Variants in GORAB observed in about 807,000 individuals in gnomAD.
GORAB encodes RAB6-interacting golgin.
In GORAB, 17 loss-of-function variants were observed where a neutral mutation model predicts 29.9. The ratio of observed to expected loss-of-function variants is 0.57; its 90% CI spans 0.39 to 0.85. GORAB has a LOEUF of 0.85. Ranked by LOEUF, GORAB falls within the 40% of genes least tolerant of loss-of-function variation. The probability of loss-of-function intolerance (pLI) is 0.00; values close to 1 mark genes in which losing one functional copy is unlikely to be tolerated. For missense variants in GORAB, 442 were observed against 437.8 expected (o/e 1.01, Z -0.09); for synonymous variants, 183 against 157.2 (o/e 1.16, Z -1.23).
In GORAB at chr1:170,552,245, T is replaced by A. The variant is rs752649033; in HGVS notation, c.893T>A (p.Val298Glu). The change falls in exon 5 of 5, where the codon GTA becomes GAA. Residue 298 changes from valine (V) to glutamate (E), a missense_variant. By Grantham distance (121) the Val-to-Glu change is moderately radical. Coordinates refer to ENST00000367763, the MANE Select transcript of GORAB (RefSeq NM_152281.3). Reference sequence around the variant, plus strand: ...GAGAGATTGCTACACGAACAAGAAGTAGAATCAAGGAGACCAGTGGTTCGT... The same window carrying A: ...GAGAGATTGCTACACGAACAAGAAGAAGAATCAAGGAGACCAGTGGTTCGT... ...EVERLLHEQE[V>E]ESRRPVVRLE... 24 of 1,614,030 alleles carry A rather than the reference T, an allele frequency of 1.5e-5. No individual in the cohort carries two copies. The highest frequency in any genetic ancestry group is 2.0e-5 in the Non-Finnish European group (24 of 1,179,956).
chr1:170,539,504 A>G lies in GORAB; in HGVS notation c.356A>G (p.His119Arg). The G allele has an allele frequency of 6.2e-7, 1 of 1,613,992 alleles. No homozygotes were observed. The highest frequency in any genetic ancestry group is 8.5e-7 in the Non-Finnish European group (1 of 1,179,872). The change falls in exon 2 of 5, where the codon CAC becomes CGC. Residue 119 changes from histidine (H) to arginine (R), a missense_variant. By Grantham distance (29) the His-to-Arg change is conservative (BLOSUM62 0). Coordinates refer to ENST00000367763, the MANE Select transcript of GORAB (RefSeq NM_152281.3). ...ELGLENSHDG[H>R]NNVEILPPKP... Reference sequence around the variant, plus strand: ...GGACTTGAGAATTCCCATGATGGTCACAACAATGTTGAGATTCTACCTCCA... The same window carrying G: ...GGACTTGAGAATTCCCATGATGGTCGCAACAATGTTGAGATTCTACCTCCA...
Position 170,545,502 on chromosome 1 carries a change from G to A in GORAB, c.662+657G>A, listed in dbSNP as rs573670719. The stretch of plus-strand genomic sequence containing the variant: ...GTATTTTTAAAATGAACTAACACAT[G>A]TAATGAATTACATGGACTTTGCAGA... On this transcript the variant is annotated intron_variant, in intron 4 of 4. Transcript: ENST00000367763. 10 of 984,390 alleles carry A rather than the reference G, an allele frequency of 1.0e-5. No homozygotes were observed. In the South Asian group the frequency reaches 3.3e-4, roughly 32 times the overall value. 61.0% of individuals were successfully genotyped at this position (984,390 alleles called of 1,614,324 possible). A position where few individuals can be genotyped will look rare whatever the true frequency, so the allele number is the denominator to read the frequency against.
intron 1 of GORAB, among the ~76,000 whole-genome samples, chr1:170,538,136 G>C (rs545901589): frequency 6.6e-6 from 1 of 152,266 alleles, no homozygotes; most frequent in South Asian, 2.1e-4. Context: ...AAGTAGAGCA[G>C]GTTAATTTTC....
intron 1 of GORAB, 61 bp downstream of exon 1, chr1:170,532,345 C>G: frequency 6.4e-7 from 1 of 1,570,384 alleles, no homozygotes; most frequent in Non-Finnish European, 8.8e-7. Context: ...GGCGGGGATG[C>G]AGCTTTGGCG....
At chr1:170,544,994 A>G (rs1649667756) in intron 4 of GORAB, 149 bp downstream of exon 4, 3 of 1,389,186 alleles carry the variant, frequency 2.2e-6, no homozygotes, top group African/African-American at 1.4e-5. Context: ...TGCTAATTCA[A>G]GTGTCTCCTC....
In GORAB at chr1:170,539,317, T is replaced by A; in HGVS notation, c.169T>A (p.Ser57Thr). 3 of 1,614,122 alleles carry A rather than the reference T, an allele frequency of 1.9e-6. No individual in the cohort carries two copies. The highest frequency in any genetic ancestry group is 2.5e-6 in the Non-Finnish European group (3 of 1,180,010). Residue 57 changes from serine (S) to threonine (T), a missense_variant, in exon 2 of 5, where the codon TCA becomes ACA. Transcript: ENST00000367763. ...QSQKLGLQDG[S>T]TSLLPEQLLS... ...CCAAAAACTTGGGCTTCAAGATGGA[T>A]CAACCTCATTACTTCCAGAGCAGCT...
At position 170,552,177 on chromosome 1, in the gene GORAB, T is replaced by A. The variant is rs367903912; in HGVS notation, c.825T>A (p.Asp275Glu). The part of the protein sequence containing the change: ...KKLEELMQQL[D>E]VEADEETLEL... ...TGGAGGAGTTGATGCAACAACTAGA[T>A]GTAGAAGCCGATGAAGAGACTTTGG... The change falls in exon 5 of 5, where the codon GAT becomes GAA. Residue 275 changes from aspartate to glutamate, a missense_variant. Asp to Glu is a conservative substitution (Grantham distance 45). Transcript: ENST00000367763. The A allele has an allele frequency of 2.5e-6, 4 of 1,613,916 alleles. No homozygotes were observed. In the African/African-American group the frequency reaches 5.3e-5, roughly 22 times the overall value.
At chr1:170,541,589 G>C (rs1649429128) in intron 2 of GORAB, among the ~76,000 whole-genome samples, 2 of 152,062 alleles carry the variant, frequency 1.3e-5, no homozygotes, top group African/African-American at 4.8e-5. Flanking sequence ...TTTGGGAATA[G>C]AGGTATGTGA....
chr1:170,552,544 A>G lies in GORAB; in HGVS notation c.*82A>G, dbSNP rs540942923. On this transcript the variant is annotated 3_prime_UTR_variant, in exon 5 of 5. Transcript: ENST00000367763. Reference sequence around the variant, plus strand: ...AGATCATGCCCTGACCTCCAATAAAAACCTCTTTAAAACAATGCTGATTTT... The same window carrying G: ...AGATCATGCCCTGACCTCCAATAAAGACCTCTTTAAAACAATGCTGATTTT... The G allele has an allele frequency of 2.7e-6, 3 of 1,109,390 alleles. No homozygotes were observed. In the South Asian group the frequency reaches 3.7e-5, roughly 14 times the overall value. 68.7% of individuals were successfully genotyped at this position (1,109,390 alleles called of 1,614,324 possible).
Position 170,552,499 on chromosome 1 carries a change from T to C in GORAB, c.*37T>C, listed in dbSNP as rs1170427077. On this transcript the variant is annotated 3_prime_UTR_variant, in exon 5 of 5. Transcript: ENST00000367763. ...TCTTTTGAGCTAATATGGTATTGAG[T>C]AAAGTATACTTTTTGCAGTAGATCA... The C allele has an allele frequency of 1.3e-6, 2 of 1,549,120 alleles. No homozygotes were observed. Among genetic ancestry groups the C allele is most frequent in the African/African-American group, 1.4e-5 (1 of 73,678 alleles).
At chr1:170,545,684 C>T in intron 4 of GORAB, 1 of 981,132 alleles carries the variant, frequency 1.0e-6, no homozygotes, top group South Asian at 4.7e-5. Flanking sequence ...ATCAGAATGC[C>T]TCATTAGGCC....
intron 2 of GORAB, among the ~76,000 whole-genome samples, chr1:170,540,095 T>C (rs1649320817): frequency 6.6e-6 from 1 of 151,956 alleles, no homozygotes; most frequent in Non-Finnish European, 1.5e-5. Context: ...TTTTTTCAAC[T>C]TCCAGACTAT....
chr1:170,538,981 ATAAAT>A (rs1649221439), intron 1 of GORAB: 1 of 562,496 alleles, frequency 1.8e-6, no homozygotes, highest in Non-Finnish European at 3.1e-6. Flanking sequence ...TTCTCTGAAG[ATAAAT>A]TAAGAGATGG....
chr1:170,532,403 T>C, intron 1 of GORAB, 119 bp downstream of exon 1: 3 of 1,090,056 alleles, frequency 2.8e-6, no homozygotes, highest in South Asian at 1.3e-5. Context: ...CGGAAGGCGC[T>C]GTAAGTACGT....
intron 1 of GORAB, among the ~76,000 whole-genome samples, chr1:170,532,812 T>C (rs1314302007): frequency 2.6e-5 from 4 of 152,218 alleles, no homozygotes; most frequent in Admixed American, 1.3e-4. Context: ...TTTGCAGTAC[T>C]TCCCAATTTT....
chr1:170,533,657 G>T, intron 1 of GORAB: 1 of 414,040 alleles, frequency 2.4e-6, no homozygotes, highest in South Asian at 1.6e-5. Context: ...CCAGGGTAAA[G>T]ATGACTTAAT....
intron 4 of GORAB, 102 bp from the exon 5 acceptor site, chr1:170,551,912 AT>A: frequency 1.0e-6 from 1 of 987,172 alleles, no homozygotes; most frequent in Non-Finnish European, 1.6e-6. Flanking sequence ...TTCATTATAT[AT>A]TTTTTCCCAA....
At chr1:170,548,966 A>G (rs777995866) in intron 4 of GORAB, among the ~76,000 whole-genome samples, 26 of 152,198 alleles carry the variant, frequency 1.7e-4, no homozygotes, top group Non-Finnish European at 3.7e-4. Flanking sequence ...GATAAAAATT[A>G]TGAAATGCTA....
At position 170,552,711 on chromosome 1, in the gene GORAB, GTAAGTGACT is replaced by G; in HGVS notation, c.*253_*261del. 1.8e-6 allele frequency: 1 copy of G among 541,924 alleles called. No individual in the cohort carries two copies. The highest frequency in any genetic ancestry group is 3.5e-6 in the Non-Finnish European group (1 of 284,328). The allele number at this position is 541,924 out of a possible 1,614,324, so 33.6% of individuals were successfully genotyped here. A position where few individuals can be genotyped will look rare whatever the true frequency, so the allele number is the denominator to read the frequency against. Reference sequence around the variant, plus strand: ...GTTCCGTTTACCCTTTTTACTGAAAGTAAGTGACTTAAAAGGATGGAAGAAAAACTACAT... The same window carrying G: ...GTTCCGTTTACCCTTTTTACTGAAAGTAAAAGGATGGAAGAAAAACTACAT... On this transcript the variant is annotated 3_prime_UTR_variant, in exon 5 of 5. Transcript: ENST00000367763.
Sources: gnomAD v4.1 joint callset for allele counts (sites outside exome capture counted in the v4.1 genomes callset) on GRCh38, gnomAD v4.1.1 for gene constraint, MANE v1.5 for transcripts, NCBI Gene and HGNC (gene_info 2026-07-23, HGNC 2026-07-21) for gene names.